Variants in RBFOX1 observed in about 807,000 individuals in gnomAD.
The protein encoded by RBFOX1 is RNA binding fox-1 homolog 1.
A neutral mutation model predicts 57.7 loss-of-function variants in RBFOX1; 8 were observed. The observed-to-expected ratio is 0.14, with a 90% confidence interval of 0.08 to 0.25. The LOEUF is 0.25. RBFOX1 is among the 10% of genes least tolerant of loss of function. The pLI, the probability that RBFOX1 is intolerant of heterozygous loss-of-function variation, is 1.00. For synonymous variants in RBFOX1, 326 were observed against 222.4 expected (o/e 1.47, Z -4.15); for missense variants, 611 against 548.5 (o/e 1.11, Z -1.14).
chr16:5,853,649 C>G (rs1337069416), intron 3 of RBFOX1, among the ~76,000 whole-genome samples: 2 of 152,228 alleles, frequency 1.3e-5, no homozygotes, highest in African/African-American at 2.4e-5. Flanking sequence ...CCAGCTTGGC[C>G]TGGTCTAGCT....
At chr16:7,121,453 AAAAC>A (rs1174696458) in intron 4 of RBFOX1, among the ~76,000 whole-genome samples, 58 of 152,254 alleles carry the variant, frequency 3.8e-4, no homozygotes, top group Non-Finnish European at 2.4e-4. Context: ...TCAAAACTTA[AAAAC>A]AAACCATTTA....
chr16:7,379,760 GCCTGCCTT>G (rs998877165), intron 4 of RBFOX1, among the ~76,000 whole-genome samples: 1 of 150,406 alleles, frequency 6.6e-6, no homozygotes, highest in Non-Finnish European at 1.5e-5. Flanking sequence ...CTGCCTGCCT[GCCTGCCTT>G]CCTGCCTTCC....
intron 4 of RBFOX1, among the ~76,000 whole-genome samples, chr16:5,944,790 T>TAACAAAAAAAAAAAAAAAAAAAAAAAA (rs2059360672): frequency 2.4e-5 from 1 of 41,258 alleles, no homozygotes; most frequent in Non-Finnish European, 4.8e-5. Flanking sequence ...CTGTCTCTGC[T>TAACAAAAAAAAAAAAAAAAAAAAAAAA]AAAAAAAAAA....
intron 11 of RBFOX1, 111 bp downstream of exon 11, chr16:7,630,794 C>T: frequency 6.6e-7 from 1 of 1,513,944 alleles, no homozygotes; most frequent in East Asian, 2.4e-5. Context: ...TCTCTTGTGG[C>T]TCTCTCTGAG....
intron 3 of RBFOX1, among the ~76,000 whole-genome samples, chr16:5,636,228 G>T (rs1219453072): frequency 6.6e-6 from 1 of 152,072 alleles, no homozygotes; most frequent in Non-Finnish European, 1.5e-5. Context: ...GATGCCTGTA[G>T]TCCCAGCTAC....
At chr16:5,446,086 G>T (rs1226784898) in intron 1 of RBFOX1, among the ~76,000 whole-genome samples, 8 of 152,196 alleles carry the variant, frequency 5.3e-5, no homozygotes, top group Non-Finnish European at 1.0e-4. Flanking sequence ...AGATGTCAGG[G>T]TTGTACTGCA....
intron 4 of RBFOX1, among the ~76,000 whole-genome samples, chr16:7,066,544 A>G (rs1244568629): frequency 2.6e-5 from 4 of 151,278 alleles, no homozygotes; most frequent in African/African-American, 7.3e-5. Context: ...TTTATGTGCA[A>G]AGTTTTAGGT....
chr16:5,899,289 TACAA>T (rs1334777292), intron 4 of RBFOX1, among the ~76,000 whole-genome samples: 1 of 151,828 alleles, frequency 6.6e-6, no homozygotes, highest in African/African-American at 2.4e-5. Flanking sequence ...CAAAGGATCA[TACAA>T]ACAGACACAA....
chr16:7,675,741 A>G (rs779171408), intron 13 of RBFOX1, among the ~76,000 whole-genome samples: 3 of 152,082 alleles, frequency 2.0e-5, no homozygotes, highest in Non-Finnish European at 4.4e-5. Context: ...CTCACACACT[A>G]CTTTGTCCTG....
intron 2 of RBFOX1, among the ~76,000 whole-genome samples, chr16:6,416,313 C>G (rs550898169): frequency 6.6e-6 from 1 of 152,272 alleles, no homozygotes; most frequent in African/African-American, 2.4e-5. Flanking sequence ...AATCACCCGA[C>G]AGTTTAGATA....
intron 2 of RBFOX1, among the ~76,000 whole-genome samples, chr16:6,388,922 C>T (rs1297062971): frequency 1.3e-5 from 2 of 152,134 alleles, no homozygotes; most frequent in African/African-American, 2.4e-5. Flanking sequence ...TTTCCAGGGG[C>T]TGACAGGTGG....
chr16:6,710,840 A>T (rs775629235), intron 3 of RBFOX1, among the ~76,000 whole-genome samples: 1 of 152,204 alleles, frequency 6.6e-6, no homozygotes, highest in Non-Finnish European at 1.5e-5. Flanking sequence ...GCAAAAACAA[A>T]TTTGGTGAGG....
intron 4 of RBFOX1, among the ~76,000 whole-genome samples, chr16:5,961,553 C>G (rs997188132): frequency 1.3e-5 from 2 of 152,118 alleles, no homozygotes; most frequent in African/African-American, 2.4e-5. Context: ...CAGGGTCTTC[C>G]TCTATCACCC....
chr16:5,650,644 G>T (rs1222476970), intron 3 of RBFOX1, among the ~76,000 whole-genome samples: 3 of 152,288 alleles, frequency 2.0e-5, no homozygotes, highest in Admixed American at 6.5e-5. Flanking sequence ...CACCAGAGGG[G>T]AGGGAATGGC....
At chr16:6,058,611 C>A (rs2095643596) in intron 1 of RBFOX1, among the ~76,000 whole-genome samples, 2 of 151,700 alleles carry the variant, frequency 1.3e-5, no homozygotes, top group African/African-American at 4.8e-5. Flanking sequence ...TCCACCCATC[C>A]ATCCACCCAT....
chr16:7,152,565 A>G (rs539209839), intron 4 of RBFOX1, among the ~76,000 whole-genome samples: 22 of 152,238 alleles, frequency 1.4e-4, no homozygotes, highest in African/African-American at 5.3e-4. Context: ...ATAGGCAGTT[A>G]GGTTCACTGG....
chr16:5,345,976 C>T (rs1252469914), intron 1 of RBFOX1, among the ~76,000 whole-genome samples: 2 of 152,128 alleles, frequency 1.3e-5, no homozygotes, highest in Non-Finnish European at 2.9e-5. Flanking sequence ...ACTTGCTTCC[C>T]CCATGCTCAT....
chr16:6,174,217 G>T (rs1598059529), intron 1 of RBFOX1, among the ~76,000 whole-genome samples: 1 of 152,182 alleles, frequency 6.6e-6, no homozygotes, highest in Admixed American at 6.6e-5. Context: ...AGACTGAGTG[G>T]TGGAGAGGAG....
chr16:7,641,214 G>A (rs2062735115), intron 11 of RBFOX1, among the ~76,000 whole-genome samples: 1 of 152,142 alleles, frequency 6.6e-6, no homozygotes, highest in Admixed American at 6.5e-5. Flanking sequence ...AACCATAGAG[G>A]TGGCTGCTGC....
Sources: allele counts gnomAD v4.1 joint callset (sites outside exome capture counted in the v4.1 genomes callset), GRCh38; gene constraint gnomAD v4.1.1; transcripts MANE v1.5; gene names NCBI Gene and HGNC (gene_info 2026-07-23, HGNC 2026-07-21).